Variants in HCRTR2 observed in about 807,000 individuals in gnomAD.
The protein encoded by HCRTR2 is hypocretin receptor 2.
A neutral mutation model predicts 49.0 loss-of-function variants in HCRTR2; 22 were observed. That is an observed-to-expected ratio of 0.45 (90% CI 0.32 to 0.64). The LOEUF (loss-of-function observed/expected upper bound fraction) is 0.64. HCRTR2 is among the 30% of genes least tolerant of loss of function. The pLI is 0.04. For missense variants in HCRTR2, 491 were observed against 559.4 expected (o/e 0.88, Z 1.23); for synonymous variants, 236 against 205.3 (o/e 1.15, Z -1.28).
chr6:55,276,174 T>C (rs1377216492), intron 4 of HCRTR2, among the ~76,000 whole-genome samples: 5 of 152,220 alleles, frequency 3.3e-5, no homozygotes, highest in African/African-American at 1.2e-4. Context: ...TAAAAAAGAT[T>C]GTCTACATGA....
chr6:55,196,000 A>C (rs915713510), intron 1 of HCRTR2, among the ~76,000 whole-genome samples: 9 of 152,252 alleles, frequency 5.9e-5, no homozygotes, highest in Middle Eastern at 3.4e-3. Flanking sequence ...ACAACAACAA[A>C]AACAAAAACA....
At chr6:55,236,323 C>T (rs1581847058) in intron 1 of HCRTR2, among the ~76,000 whole-genome samples, 1 of 151,826 alleles carries the variant, frequency 6.6e-6, no homozygotes, top group East Asian at 1.9e-4. Flanking sequence ...ATTGATTTTG[C>T]ATATATACAT....
At chr6:55,134,606 T>C (rs1198632514) in intron 1 of HCRTR2, among the ~76,000 whole-genome samples, 1 of 151,874 alleles carries the variant, frequency 6.6e-6, no homozygotes, top group Non-Finnish European at 1.5e-5. Flanking sequence ...TGTGTATCTT[T>C]TGACCAACAT....
intron 6 of HCRTR2, among the ~76,000 whole-genome samples, chr6:55,281,062 C>T (rs116110565): frequency 1.9e-4 from 29 of 152,126 alleles, no homozygotes; most frequent in Non-Finnish European, 3.7e-4. Flanking sequence ...ACATTTTGCC[C>T]GACTGACTTT....
At chr6:55,229,531 T>A (rs1014679738) in intron 1 of HCRTR2, among the ~76,000 whole-genome samples, 8 of 152,136 alleles carry the variant, frequency 5.3e-5, no homozygotes, top group African/African-American at 1.9e-4. Context: ...GGTCTACACA[T>A]ACAATGGAAT....
At chr6:55,249,143 T>C (rs1228247019) in intron 2 of HCRTR2, among the ~76,000 whole-genome samples, 1 of 152,172 alleles carries the variant, frequency 6.6e-6, no homozygotes, top group Non-Finnish European at 1.5e-5. Flanking sequence ...GCGCAAACTT[T>C]TTTGATTCCT....
At chr6:55,154,703 A>G (rs199994804) in intron 1 of HCRTR2, among the ~76,000 whole-genome samples, 2 of 99,950 alleles carry the variant, frequency 2.0e-5, no homozygotes, top group African/African-American at 3.3e-5. Flanking sequence ...TAAATAGATA[A>G]ATAAATAAAT....
intron 1 of HCRTR2, among the ~76,000 whole-genome samples, chr6:55,207,255 G>A (rs548775747): frequency 2.0e-5 from 3 of 152,028 alleles, no homozygotes; most frequent in South Asian, 4.1e-4. Flanking sequence ...TATTTTACCT[G>A]AGTGTATGTC....
At chr6:55,219,899 G>T (rs3122160) in intron 1 of HCRTR2, among the ~76,000 whole-genome samples, 49,299 of 151,736 alleles carry the variant, frequency 0.32, 9,191 homozygotes, top group African/African-American at 0.52. Context: ...ATAAAGATTT[G>T]CAGGCTATTC....
intron 1 of HCRTR2, among the ~76,000 whole-genome samples, chr6:55,110,808 G>T (rs1216560832): frequency 7.3e-5 from 11 of 151,568 alleles, no homozygotes; most frequent in Non-Finnish European, 1.5e-5. Context: ...GAAAGAACTA[G>T]ACAGGTCATA....
At chr6:55,130,844 C>G (rs1298118924) in intron 1 of HCRTR2, among the ~76,000 whole-genome samples, 1 of 151,826 alleles carries the variant, frequency 6.6e-6, no homozygotes, top group Non-Finnish European at 1.5e-5. Context: ...GTTTTAATAT[C>G]AGGTCAATTA....
chr6:55,221,870 A>G (rs1466054277), intron 1 of HCRTR2, among the ~76,000 whole-genome samples: 3 of 152,282 alleles, frequency 2.0e-5, no homozygotes, highest in Non-Finnish European at 4.4e-5. Context: ...AAACAGGAGA[A>G]AAGTTTTATA....
intron 1 of HCRTR2, among the ~76,000 whole-genome samples, chr6:55,220,282 T>C (rs1765867400): frequency 6.6e-6 from 1 of 152,194 alleles, no homozygotes; most frequent in Non-Finnish European, 1.5e-5. Flanking sequence ...CCACTATCTC[T>C]GATGAATGTA....
At chr6:55,252,461 G>C (rs573826234) in intron 2 of HCRTR2, among the ~76,000 whole-genome samples, 6 of 152,204 alleles carry the variant, frequency 3.9e-5, no homozygotes, top group Admixed American at 2.6e-4. Context: ...AGAGAGGATT[G>C]ATATATCTCT....
intron 1 of HCRTR2, among the ~76,000 whole-genome samples, chr6:55,204,724 A>G (rs1398117693): frequency 6.6e-6 from 1 of 152,220 alleles, no homozygotes; most frequent in Non-Finnish European, 1.5e-5. Context: ...GTGGAAACTT[A>G]GATTTGGGAG....
chr6:55,163,261 A>G (rs916534326), intron 1 of HCRTR2, among the ~76,000 whole-genome samples: 1 of 134,602 alleles, frequency 7.4e-6, no homozygotes, highest in Non-Finnish European at 1.6e-5. Flanking sequence ...CAAACAACAA[A>G]AAAAAAAAAA....
intron 1 of HCRTR2, among the ~76,000 whole-genome samples, chr6:55,221,789 G>C (rs1368652807): frequency 6.7e-6 from 1 of 150,338 alleles, no homozygotes; most frequent in Non-Finnish European, 1.5e-5. Context: ...CTCCAGCCTG[G>C]GGGACAGAGC....
At chr6:55,279,985 A>C (rs970416437) in intron 5 of HCRTR2, among the ~76,000 whole-genome samples, 4 of 152,168 alleles carry the variant, frequency 2.6e-5, no homozygotes, top group African/African-American at 9.6e-5. Context: ...ATAGAATATT[A>C]ATACAACATT....
At chr6:55,125,910 G>A (rs113041105) in intron 1 of HCRTR2, among the ~76,000 whole-genome samples, 5,616 of 151,654 alleles carry the variant, frequency 0.037, 346 homozygotes, top group African/African-American at 0.13. Flanking sequence ...TCGATTCAGC[G>A]ATTGATACCT....
Sources: gnomAD v4.1 joint callset for allele counts (sites outside exome capture counted in the v4.1 genomes callset) on GRCh38, gnomAD v4.1.1 for gene constraint, MANE v1.5 for transcripts, NCBI Gene and HGNC (gene_info 2026-07-23, HGNC 2026-07-21) for gene names.